The following CNTN5 variants were observed in gnomAD, a reference collection of about 807,000 sequenced individuals.
CNTN5 encodes contactin-5.
Under a neutral mutation model 129.1 loss-of-function variants are expected in CNTN5, and 77 were observed. The observed-to-expected ratio is 0.60, with a 90% CI of 0.50 to 0.72. CNTN5 has a LOEUF of 0.72. CNTN5 is among the 30% of genes least tolerant of loss of function. The probability of loss-of-function intolerance (pLI) is 0.00; values close to 1 mark genes in which losing one functional copy is unlikely to be tolerated. For synonymous variants in CNTN5, 509 were observed against 465.6 expected (o/e 1.09, Z -1.20); for missense variants, 1,478 against 1,328.8 (o/e 1.11, Z -1.75).
intron 3 of CNTN5, among the ~76,000 whole-genome samples, chr11:99,816,868 C>T (rs540625550): frequency 6.6e-6 from 1 of 152,240 alleles, no homozygotes; most frequent in African/African-American, 2.4e-5. Context: ...GCCATGGTGC[C>T]TTTACTTTCA....
At chr11:99,880,367 T>C (rs1032144168) in intron 6 of CNTN5, among the ~76,000 whole-genome samples, 1 of 152,026 alleles carries the variant, frequency 6.6e-6, no homozygotes, top group Non-Finnish European at 1.5e-5. Flanking sequence ...AATAAGAAAA[T>C]AGTACTCATA....
chr11:100,060,787 C>T (rs926246263), intron 9 of CNTN5, among the ~76,000 whole-genome samples: 5 of 151,678 alleles, frequency 3.3e-5, no homozygotes, highest in African/African-American at 1.2e-4. Context: ...TTATAGGCGC[C>T]CACCACCATG....
At chr11:99,415,299 T>C (rs1942602154) in intron 2 of CNTN5, among the ~76,000 whole-genome samples, 1 of 149,900 alleles carries the variant, frequency 6.7e-6, no homozygotes, top group Non-Finnish European at 1.5e-5. Flanking sequence ...GGACAGTGAG[T>C]AGAAATGTGA....
chr11:99,097,956 G>A (rs904690408), intron 1 of CNTN5, among the ~76,000 whole-genome samples: 2 of 151,674 alleles, frequency 1.3e-5, no homozygotes, highest in East Asian at 1.9e-4. Context: ...AATTAGGTGG[G>A]AATTATACTC....
rs533731112 is a variant in CNTN5 at position 99,734,178 on chromosome 11, A to C, written c.56-85366A>C. 3.9e-5 allele frequency among the ~76,000 whole-genome samples: 6 copies of C among 152,298 alleles called. No homozygotes were observed. In the East Asian group the frequency reaches 1.2e-3, roughly 29 times the overall value. ...TTGATATGGGCATACACTGCGTAAT[A>C]ATCATATCAGAGTCAATGGAGTATC... On this transcript the variant is annotated intron_variant, in intron 3 of 24. Transcript: ENST00000524871.
intron 6 of CNTN5, among the ~76,000 whole-genome samples, chr11:99,910,172 T>C (rs1379892443): frequency 1.3e-5 from 2 of 152,100 alleles, no homozygotes; most frequent in Non-Finnish European, 2.9e-5. Context: ...TTTTAGTGAA[T>C]GTCAGTGTCC....
chr11:99,828,553 AT>A (rs1227607920), intron 4 of CNTN5, among the ~76,000 whole-genome samples: 7 of 152,222 alleles, frequency 4.6e-5, no homozygotes, highest in Non-Finnish European at 8.8e-5. Context: ...AACTTTTAAT[AT>A]AAATTTTAAA....
At chr11:99,491,243 G>T in intron 2 of CNTN5, among the ~76,000 whole-genome samples, 1 of 152,146 alleles carries the variant, frequency 6.6e-6, no homozygotes, top group East Asian at 1.9e-4. Flanking sequence ...GCCAGGCAGG[G>T]TAGTGCTAAG....
chr11:99,580,725 T>A (rs961778699), intron 3 of CNTN5, among the ~76,000 whole-genome samples: 2 of 151,034 alleles, frequency 1.3e-5, no homozygotes, highest in Non-Finnish European at 2.9e-5. Flanking sequence ...CTCTCTTTTC[T>A]TCTTTATTAG....
In CNTN5 at chr11:99,887,376, A is replaced by G. The variant is rs149406994; in HGVS notation, c.578-28678A>G. Among the ~76,000 whole-genome samples the G allele has an allele frequency of 1.3e-4, 20 of 152,338 alleles. No individual in the cohort carries two copies. The East Asian group carries it at 3.7e-3, about 28-fold the overall frequency. ...AAAACTATTATTTCAGCAGTAAGGA[A>G]GTGTTACATAATCATTAAGAACATG... is the stretch of plus-strand genomic sequence containing the variant. On this transcript the variant is annotated intron_variant, in intron 6 of 24. Transcript: ENST00000524871.
intron 2 of CNTN5, among the ~76,000 whole-genome samples, chr11:99,443,567 A>C (rs1943929305): frequency 6.6e-6 from 1 of 152,202 alleles, no homozygotes; most frequent in Admixed American, 6.5e-5. Flanking sequence ...AGGCTTCAAA[A>C]TTATGAATTC....
chr11:99,917,882 CTGAT>C (rs1251714297), intron 7 of CNTN5, among the ~76,000 whole-genome samples: 5 of 152,094 alleles, frequency 3.3e-5, no homozygotes, highest in African/African-American at 1.2e-4. Context: ...AATGTGATCT[CTGAT>C]TGAGATCAAT....
At chr11:100,083,013 T>A (rs1418229046) in intron 13 of CNTN5, among the ~76,000 whole-genome samples, 1 of 150,972 alleles carries the variant, frequency 6.6e-6, no homozygotes, top group Non-Finnish European at 1.5e-5. Flanking sequence ...ATGGCCAGAG[T>A]GGGAGCAAAA....
rs1305710088 is a variant in CNTN5, at chr11:99,974,196, C to CT, written c.877+17195dup. Reference sequence around the variant, plus strand: ...CAGCAAAACAGCATTTTGAGCTTATCTTTTTTTTCTAGGTAAAGAACCTGT... The same window carrying CT: ...CAGCAAAACAGCATTTTGAGCTTATCTTTTTTTTTCTAGGTAAAGAACCTGT... On this transcript the variant is annotated intron_variant, in intron 8 of 24. Transcript: ENST00000524871. Among the ~76,000 whole-genome samples, 5 of 152,192 alleles carry CT rather than the reference C, an allele frequency of 3.3e-5. No individual in the cohort carries two copies. In the East Asian group the frequency reaches 7.7e-4, roughly 23 times the overall value.
chr11:99,906,753 G>A (rs1020302951), intron 6 of CNTN5, among the ~76,000 whole-genome samples: 4 of 152,042 alleles, frequency 2.6e-5, no homozygotes, highest in Admixed American at 6.6e-5. Context: ...GGTAGAATTC[G>A]GCTGTGAATC....
chr11:99,353,122 T>A (rs1938412486), intron 2 of CNTN5, among the ~76,000 whole-genome samples: 1 of 152,050 alleles, frequency 6.6e-6, no homozygotes, highest in African/African-American at 2.4e-5. Context: ...GACAGGGAAA[T>A]AGAAAGACAC....
At chr11:99,211,312 G>A (rs11218859) in intron 1 of CNTN5, among the ~76,000 whole-genome samples, 4,505 of 152,086 alleles carry the variant, frequency 0.03, 217 homozygotes, top group African/African-American at 0.1. Context: ...TTTTTGGGGG[G>A]TTTGTTTTGC....
intron 1 of CNTN5, among the ~76,000 whole-genome samples, chr11:99,159,675 A>C (rs567875796): frequency 2.0e-4 from 31 of 152,240 alleles, no homozygotes; most frequent in Non-Finnish European, 4.4e-4. Flanking sequence ...ACTCAAGGGA[A>C]GCAATATCTT....
intron 13 of CNTN5, among the ~76,000 whole-genome samples, chr11:100,109,969 A>C (rs961675995): frequency 6.6e-6 from 1 of 152,082 alleles, no homozygotes; most frequent in East Asian, 1.9e-4. Context: ...GCTTGAGTTC[A>C]GGACTTTAAG....
Sources: allele counts gnomAD v4.1 joint callset (sites outside exome capture counted in the v4.1 genomes callset), GRCh38; gene constraint gnomAD v4.1.1; transcripts MANE v1.5; gene names NCBI Gene and HGNC (gene_info 2026-07-23, HGNC 2026-07-21).